Variants in ADAMTSL3 observed in about 807,000 individuals in gnomAD.
ADAMTSL3 encodes the protein ADAMTS-like protein 3.
A neutral mutation model predicts 201.7 loss-of-function variants in ADAMTSL3; 128 were observed. That is an observed-to-expected ratio of 0.63 (90% CI 0.55 to 0.73). ADAMTSL3 has a LOEUF of 0.73. Ranked by LOEUF, ADAMTSL3 falls within the 30% of genes least tolerant of loss-of-function variation. The pLI is 0.00. For synonymous variants in ADAMTSL3, 738 were observed against 748.4 expected (o/e 0.99, Z 0.23); for missense variants, 1,990 against 2,119.6 (o/e 0.94, Z 1.20).
chr15:83,823,580 G>A (rs1350891281), intron 6 of ADAMTSL3, among the ~76,000 whole-genome samples: 5 of 152,084 alleles, frequency 3.3e-5, no homozygotes, highest in Admixed American at 2.0e-4. Flanking sequence ...AATTTAGCAC[G>A]TCTTTCCATC....
chr15:83,697,893 C>T (rs529787814), intron 2 of ADAMTSL3, among the ~76,000 whole-genome samples: 1 of 152,058 alleles, frequency 6.6e-6, no homozygotes, highest in Non-Finnish European at 1.5e-5. Flanking sequence ...TGATTGGTTC[C>T]CCTGGCAACC....
chr15:83,906,158 A>G (rs996106591), intron 15 of ADAMTSL3, among the ~76,000 whole-genome samples: 2 of 152,070 alleles, frequency 1.3e-5, no homozygotes, highest in South Asian at 2.1e-4. Flanking sequence ...ACTTTTTTCT[A>G]TTAAACTGTG....
intron 28 of ADAMTSL3, among the ~76,000 whole-genome samples, chr15:84,035,942 C>T (rs1265241340): frequency 6.6e-6 from 1 of 152,134 alleles, no homozygotes; most frequent in Admixed American, 6.5e-5. Context: ...CCACCTAATA[C>T]TCCACACTTC....
At chr15:83,929,803 C>G (rs958615480) in intron 17 of ADAMTSL3, among the ~76,000 whole-genome samples, 2 of 151,674 alleles carry the variant, frequency 1.3e-5, no homozygotes, top group Non-Finnish European at 2.9e-5. Context: ...CACACACACA[C>G]TCAGACTCAC....
chr15:83,682,323 A>G lies in ADAMTSL3; in HGVS notation c.70-22066A>G, dbSNP rs143898674. Among the ~76,000 whole-genome samples, 737 of 152,326 alleles carry G rather than the reference A, an allele frequency of 4.8e-3. 7 individuals are homozygous for G. Among genetic ancestry groups the G allele is most frequent in the African/African-American group, 0.017 (708 of 41,572 alleles). On this transcript the variant is annotated intron_variant, in intron 2 of 29. Coordinates refer to ENST00000286744, the MANE Select transcript of ADAMTSL3 (RefSeq NM_207517.3). ...CAGAACTAATAGCAGATCTACACCTATAGCTCACCAGATGTCTTGTTCTGG... is the reference window on the plus strand; with the variant it reads ...CAGAACTAATAGCAGATCTACACCTGTAGCTCACCAGATGTCTTGTTCTGG...
intron 4 of ADAMTSL3, among the ~76,000 whole-genome samples, chr15:83,783,791 TA>T (rs1370627628): frequency 1.3e-5 from 2 of 149,410 alleles, no homozygotes; most frequent in African/African-American, 2.5e-5. Context: ...TTTAAGAAGT[TA>T]AAAAAAAAGG....
chr15:83,790,079 T>C (rs1213969319), intron 4 of ADAMTSL3, among the ~76,000 whole-genome samples: 1 of 151,620 alleles, frequency 6.6e-6, no homozygotes, highest in Non-Finnish European at 1.5e-5. Context: ...TTACAGAAAA[T>C]TGAATTTATA....
rs747448374 is a variant in ADAMTSL3, at chr15:83,942,982, A to G, written c.2390A>G (p.Asn797Ser). ...CTGCTAACGGATGGCAGCTTTTTGA[A>G]TCTCTCAGATGAATTGTGCCAAGGA... is the stretch of plus-strand genomic sequence containing the variant. ...RQLLTDGSFL[N>S]LSDELCQGPK... The change falls in exon 19 of 30, where the codon AAT (asparagine) becomes AGT (serine). Residue 797 changes from asparagine (N) to serine (S), a missense_variant. Physicochemically the swap from Asn to Ser is conservative, Grantham distance 46 (BLOSUM62 1). Transcript: ENST00000286744. 1 of 1,614,094 alleles carries G rather than the reference A, an allele frequency of 6.2e-7. No homozygotes were observed. Among genetic ancestry groups the G allele is most frequent in the Non-Finnish European group, 8.5e-7 (1 of 1,179,994 alleles).
chr15:83,918,620 T>A (rs752515416), intron 16 of ADAMTSL3, among the ~76,000 whole-genome samples: 5 of 151,964 alleles, frequency 3.3e-5, no homozygotes, highest in African/African-American at 7.3e-5. Flanking sequence ...CCAGGCACAG[T>A]TGGAGTACTG....
At chr15:83,835,233 CAAAA>C (rs58071247) in intron 6 of ADAMTSL3, among the ~76,000 whole-genome samples, 2 of 112,324 alleles carry the variant, frequency 1.8e-5, no homozygotes, top group Admixed American at 9.7e-5. Context: ...GACTCTGTCT[CAAAA>C]AAAAAAAAAA....
At chr15:83,819,669 A>G in intron 5 of ADAMTSL3, 142 bp from the exon 6 acceptor site, 1 of 629,388 alleles carries the variant, frequency 1.6e-6, no homozygotes, top group Non-Finnish European at 2.8e-6. Context: ...ATCAAAAAAA[A>G]AAAAAAAAAA....
intron 2 of ADAMTSL3, 145 bp from the exon 3 acceptor site, chr15:83,704,244 G>C (rs182597660): frequency 1.6e-6 from 2 of 1,251,248 alleles, no homozygotes; most frequent in Non-Finnish European, 2.2e-6. Flanking sequence ...CCTCACCCTG[G>C]TCTTTGCCAA....
rs1170737133 is a variant in ADAMTSL3 at position 84,014,695 on chromosome 15, C to G, written c.4127C>G (p.Ala1376Gly). Residue 1376 changes from alanine to glycine, a missense_variant, in exon 24 of 30, where the codon GCA becomes GGA. Ala to Gly is a moderately conservative substitution (Grantham distance 60). Coordinates refer to ENST00000286744, the MANE Select transcript of ADAMTSL3 (RefSeq NM_207517.3). ...ATAGCCACCAATGCTCTTGGAAAGGCAGTGGCAACATCTGTACTCCACTTG... is the reference window on the plus strand; with the variant it reads ...ATAGCCACCAATGCTCTTGGAAAGGGAGTGGCAACATCTGTACTCCACTTG... ...VCIATNALGKAVATSVLHLLE... is the reference protein window; with the variant it reads ...VCIATNALGKGVATSVLHLLE... 6.2e-7 allele frequency: 1 copy of G among 1,610,882 alleles called. No individual in the cohort carries two copies. Among genetic ancestry groups the G allele is most frequent in the Admixed American group, 1.7e-5 (1 of 59,158 alleles).
At position 83,913,231 on chromosome 15, in the gene ADAMTSL3, C is replaced by G. The variant is rs1431919245; in HGVS notation, c.1840C>G (p.Leu614Val). 2 of 1,614,108 alleles carry G rather than the reference C, an allele frequency of 1.2e-6. No individual in the cohort carries two copies. Among genetic ancestry groups the G allele is most frequent in the South Asian group, 2.2e-5 (2 of 91,068 alleles). ...LPEEECEGPKLPTERPCLLEA... is the reference protein window; with the variant it reads ...LPEEECEGPKVPTERPCLLEA... ...CGAGGAAGAGTGTGAAGGCCCCAAG[C>G]TGCCCACCGAACGGCCCTGCCTCCT... The change falls in exon 16 of 30, where the codon CTG becomes GTG. Residue 614 changes from leucine to valine, a missense_variant. Leu to Val is a conservative substitution (Grantham distance 32). Coordinates refer to ENST00000286744, the MANE Select transcript of ADAMTSL3 (RefSeq NM_207517.3).
At chr15:83,996,557 A>G (rs1360822805) in intron 23 of ADAMTSL3, among the ~76,000 whole-genome samples, 1 of 151,970 alleles carries the variant, frequency 6.6e-6, no homozygotes, top group Non-Finnish European at 1.5e-5. Context: ...CGAGGCAGGC[A>G]GATCATGAGG....
At chr15:83,755,000 T>C (rs1327148594) in intron 3 of ADAMTSL3, among the ~76,000 whole-genome samples, 1 of 152,236 alleles carries the variant, frequency 6.6e-6, no homozygotes, top group Non-Finnish European at 1.5e-5. Context: ...TAATTTAATA[T>C]CGTATATGTT....
chr15:83,872,682 C>CTTTCTCAGGAAATGCCTGTG (rs1555455106), intron 9 of ADAMTSL3, among the ~76,000 whole-genome samples: 2 of 145,392 alleles, frequency 1.4e-5, no homozygotes, highest in Admixed American at 1.4e-4. Context: ...CTTCTCAAGT[C>CTTTCTCAGGAAATGCCTGTG]AACTTGGAGG....
intron 3 of ADAMTSL3, among the ~76,000 whole-genome samples, chr15:83,715,968 C>G (rs1026971521): frequency 6.6e-6 from 1 of 152,202 alleles, no homozygotes; most frequent in African/African-American, 2.4e-5. Context: ...AGCCTAACAG[C>G]GTTTCTTCCT....
chr15:83,818,566 A>T (rs1448217888), intron 5 of ADAMTSL3, among the ~76,000 whole-genome samples: 2 of 152,162 alleles, frequency 1.3e-5, no homozygotes, highest in Non-Finnish European at 2.9e-5. Context: ...ACCTCAGGTG[A>T]TCGGCCCGCC....
Sources: allele counts gnomAD v4.1 joint callset (sites outside exome capture counted in the v4.1 genomes callset), GRCh38; gene constraint gnomAD v4.1.1; transcripts MANE v1.5; gene names NCBI Gene and HGNC (gene_info 2026-07-23, HGNC 2026-07-21).